GPC6: variants seen among roughly 807,000 people sequenced by gnomAD.
GPC6 encodes glypican 6.
GPC6 carries 14 observed loss-of-function variants against 55.2 expected under a neutral mutation model. The ratio of observed to expected loss-of-function variants is 0.25; its 90% CI spans 0.17 to 0.40. The LOEUF (loss-of-function observed/expected upper bound fraction) is 0.40. GPC6 is among the 10% of genes least tolerant of loss of function. The pLI, the probability that GPC6 is intolerant of heterozygous loss-of-function variation, is 1.00. For synonymous variants in GPC6, 278 were observed against 259.6 expected (o/e 1.07, Z -0.68); for missense variants, 641 against 708.5 (o/e 0.90, Z 1.08).
At chr13:94,360,727 T>C (rs1465952717) in intron 6 of GPC6, among the ~76,000 whole-genome samples, 1 of 152,184 alleles carries the variant, frequency 6.6e-6, no homozygotes, top group Non-Finnish European at 1.5e-5. Context: ...CAAATATATT[T>C]TCCATCTTTT....
chr13:94,326,828 C>T (rs962896117), intron 6 of GPC6, among the ~76,000 whole-genome samples: 2 of 152,144 alleles, frequency 1.3e-5, no homozygotes, highest in Admixed American at 6.5e-5. Flanking sequence ...AAGGAGATTT[C>T]GAAGAGTCTT....
intron 4 of GPC6, among the ~76,000 whole-genome samples, chr13:94,227,407 C>A (rs1232853587): frequency 6.6e-6 from 1 of 152,178 alleles, no homozygotes; most frequent in Non-Finnish European, 1.5e-5. Flanking sequence ...TGGATTATTG[C>A]ACAAGGTGCC....
At chr13:94,302,882 T>C (rs920591949) in intron 5 of GPC6, among the ~76,000 whole-genome samples, 1 of 152,214 alleles carries the variant, frequency 6.6e-6, no homozygotes, top group African/African-American at 2.4e-5. Flanking sequence ...AAGCCGTGGG[T>C]CACGGAAGAG....
intron 1 of GPC6, among the ~76,000 whole-genome samples, chr13:93,482,312 G>A (rs987661743): frequency 6.6e-6 from 1 of 151,928 alleles, no homozygotes; most frequent in Non-Finnish European, 1.5e-5. Flanking sequence ...ATACATCTCT[G>A]AATATTGTAT....
chr13:94,004,007 T>G (rs1270932529), intron 3 of GPC6, among the ~76,000 whole-genome samples: 1 of 152,238 alleles, frequency 6.6e-6, no homozygotes, highest in Non-Finnish European at 1.5e-5. Context: ...AATGAACTAC[T>G]TTCTTACTAG....
At chr13:93,289,321 A>G (rs894369665) in intron 1 of GPC6, among the ~76,000 whole-genome samples, 4 of 152,150 alleles carry the variant, frequency 2.6e-5, no homozygotes, top group African/African-American at 9.7e-5. Context: ...TAAAATGCAA[A>G]TAGTAGTATG....
chr13:94,269,919 ATGT>A (rs1356729430), intron 4 of GPC6, among the ~76,000 whole-genome samples: 1 of 152,154 alleles, frequency 6.6e-6, no homozygotes, highest in Non-Finnish European at 1.5e-5. Flanking sequence ...TCAGTGTCAG[ATGT>A]TGATGTTGTG....
At chr13:93,926,162 G>A (rs1877846449) in intron 3 of GPC6, among the ~76,000 whole-genome samples, 1 of 152,010 alleles carries the variant, frequency 6.6e-6, no homozygotes, top group Non-Finnish European at 1.5e-5. Context: ...GCATTCTTTT[G>A]GTCACACAGA....
intron 3 of GPC6, among the ~76,000 whole-genome samples, chr13:93,896,859 A>C (rs1361446427): frequency 6.6e-5 from 10 of 152,064 alleles, no homozygotes; most frequent in Non-Finnish European, 1.3e-4. Flanking sequence ...AAACAAAATA[A>C]AAATAGAGAG....
At chr13:93,812,088 G>T (rs376935248) in intron 2 of GPC6, among the ~76,000 whole-genome samples, 1 of 149,956 alleles carries the variant, frequency 6.7e-6, no homozygotes, top group East Asian at 2.0e-4. Context: ...GGAGATCTGG[G>T]CTGGGTACGT....
chr13:94,058,488 G>T (rs1884209123), intron 4 of GPC6, among the ~76,000 whole-genome samples: 1 of 152,166 alleles, frequency 6.6e-6, no homozygotes, highest in Non-Finnish European at 1.5e-5. Context: ...GTAGCTCCCA[G>T]AGGTTATTTT....
chr13:93,653,746 C>A (rs751905432), intron 2 of GPC6, among the ~76,000 whole-genome samples: 1 of 152,188 alleles, frequency 6.6e-6, no homozygotes, highest in African/African-American at 2.4e-5. Flanking sequence ...AAGTTAAATT[C>A]TTTTCAGGCT....
chr13:94,230,126 A>G (rs1594079574), intron 4 of GPC6, among the ~76,000 whole-genome samples: 2 of 152,162 alleles, frequency 1.3e-5, no homozygotes, highest in African/African-American at 2.4e-5. Context: ...TGGTAAAACC[A>G]TACTTTTTCC....
intron 2 of GPC6, among the ~76,000 whole-genome samples, chr13:93,751,640 G>A (rs1314692481): frequency 6.6e-6 from 1 of 151,986 alleles, no homozygotes; most frequent in African/African-American, 2.4e-5. Context: ...TCCCTCCTCT[G>A]CCTCCCAAGT....
At chr13:93,406,837 C>T (rs1029524589) in intron 1 of GPC6, among the ~76,000 whole-genome samples, 6 of 151,904 alleles carry the variant, frequency 3.9e-5, no homozygotes, top group African/African-American at 1.5e-4. Context: ...AGCTATTTCA[C>T]GAAACAGCTA....
chr13:94,049,311 C>G (rs1007715454), intron 4 of GPC6, among the ~76,000 whole-genome samples: 1 of 151,928 alleles, frequency 6.6e-6, no homozygotes, highest in African/African-American at 2.4e-5. Flanking sequence ...CCCCAACCCC[C>G]CACTGATCCT....
intron 5 of GPC6, among the ~76,000 whole-genome samples, chr13:94,302,776 C>T (rs1468422920): frequency 6.6e-5 from 10 of 152,114 alleles, no homozygotes; most frequent in Non-Finnish European, 1.2e-4. Flanking sequence ...TCCAAGATGG[C>T]GACAAGCCTC....
chr13:93,612,097 A>G (rs980124151), intron 2 of GPC6, among the ~76,000 whole-genome samples: 1 of 152,250 alleles, frequency 6.6e-6, no homozygotes, highest in Non-Finnish European at 1.5e-5. Context: ...TATTGTAATT[A>G]CATGCAAAAT....
intron 1 of GPC6, among the ~76,000 whole-genome samples, chr13:93,489,922 A>G (rs1298119123): frequency 1.3e-5 from 2 of 151,564 alleles, no homozygotes; most frequent in South Asian, 2.1e-4. Flanking sequence ...AACAGGGACA[A>G]TTTGACTTCC....
Sources: gnomAD v4.1 joint callset for allele counts (sites outside exome capture counted in the v4.1 genomes callset) on GRCh38, gnomAD v4.1.1 for gene constraint, MANE v1.5 for transcripts, NCBI Gene and HGNC (gene_info 2026-07-23, HGNC 2026-07-21) for gene names.